The following CNOT1 variants were observed in gnomAD, a reference collection of about 807,000 sequenced individuals.
The protein encoded by CNOT1 is CCR4-NOT transcription complex subunit 1.
CNOT1 carries 15 observed loss-of-function variants against 273.8 expected under a neutral mutation model. The ratio of observed to expected loss-of-function variants is 0.05; its 90% CI spans 0.04 to 0.08. The LOEUF is 0.08. Among genes scored for constraint, CNOT1 ranks in the 10% least tolerant of loss-of-function variants. CNOT1 has a pLI of 1.00. For synonymous variants in CNOT1, 1,022 were observed against 1,005.5 expected, an observed-to-expected ratio of 1.02 and a Z score of -0.31; for missense variants, 1,644 against 2,912.2, an observed-to-expected ratio of 0.56 and a Z score of 10.02.
chr16:58,623,556 A>T (rs968931884), intron 1 of CNOT1: 2 of 152,194 alleles, frequency 1.3e-5, no homozygotes, highest in African/African-American at 4.8e-5. Flanking sequence ...GCCTCCATAA[A>T]AGCCCATAAA....
Position 58,560,382 on chromosome 16 carries a change from G to A in CNOT1, c.1980-20C>T. On this transcript the variant is annotated intron_variant, in intron 16 of 48. Coordinates refer to ENST00000317147, the MANE Select transcript of CNOT1 (RefSeq NM_016284.5). ...ACACTCCTAAAATAGAGGGGAAAAG[G>A]TAAAAAATATCAGTTCCTATTCTCT... is the stretch of plus-strand genomic sequence containing the variant. The A allele has an allele frequency of 6.2e-7, 1 of 1,607,338 alleles. No individual in the cohort carries two copies. The highest frequency in any genetic ancestry group is 1.7e-5 in the Admixed American group (1 of 57,994).
Position 58,574,992 on chromosome 16 carries a change from A to T in CNOT1, c.1827+15T>A. On this transcript the variant is annotated intron_variant, in intron 15 of 48. Transcript: ENST00000317147. ...AAAATTTAAGAGCAAAAATAAATGA[A>T]CAAATCCTGCTTACCCCATGCTCTC... is the stretch of plus-strand genomic sequence containing the variant. 1 of 1,609,886 alleles carries T rather than the reference A, an allele frequency of 6.2e-7. No homozygotes were observed. Among genetic ancestry groups the T allele is most frequent in the South Asian group, 1.1e-5 (1 of 89,636 alleles).
chr16:58,626,670 G>C (rs1362186430), intron 1 of CNOT1, among the ~76,000 whole-genome samples: 1 of 151,554 alleles, frequency 6.6e-6, no homozygotes, highest in Non-Finnish European at 1.5e-5. Flanking sequence ...TGGGGCAGGA[G>C]AATCGCTTGA....
chr16:58,584,924 G>A (rs2151979385), intron 8 of CNOT1, among the ~76,000 whole-genome samples: 2 of 152,246 alleles, frequency 1.3e-5, no homozygotes, highest in East Asian at 3.9e-4. Context: ...TACGCAAGAG[G>A]CAGAAAAGGA....
At chr16:58,528,006 G>A in intron 44 of CNOT1, 2 of 358,772 alleles carry the variant, frequency 5.6e-6, no homozygotes, top group South Asian at 2.1e-5. Context: ...CCAGCTACTT[G>A]GGAGGCTGAG....
chr16:58,537,112 C>T lies in CNOT1; in HGVS notation c.5523G>A (p.Glu1841=), dbSNP rs767057917. The T allele has an allele frequency of 1.2e-6, 2 of 1,614,178 alleles. No individual in the cohort carries two copies. Among genetic ancestry groups the T allele is most frequent in the Non-Finnish European group, 8.5e-7 (1 of 1,180,042 alleles). ...CCCTCAGGCCTGGAGGGTCATCATA[C>T]TCTGAGGCTTGAGAGATCCCAGAAT... is the stretch of plus-strand genomic sequence containing the variant. The part of the protein sequence containing the change: ...MMHSGISQAS[E]YDDPPGLREK... Residue 1841 remains glutamate, a synonymous_variant, in exon 39 of 49, where the codon GAG becomes GAA. Coordinates refer to ENST00000317147, the MANE Select transcript of CNOT1 (RefSeq NM_016284.5).
chr16:58,595,797 C>T (rs886570387), intron 2 of CNOT1, among the ~76,000 whole-genome samples: 3 of 152,078 alleles, frequency 2.0e-5, no homozygotes, highest in African/African-American at 7.2e-5. Context: ...TAAAGTATAA[C>T]CAGGTGAATG....
In CNOT1 at chr16:58,549,712, C is replaced by CTCT; in HGVS notation, c.3522+4_3522+6dup. On this transcript the variant is annotated splice_region_variant and intron_variant, in intron 25 of 48. Transcript: ENST00000317147. Reference sequence around the variant, plus strand: ...TAATTAAAGGAAATATAAGAACCAACTCTTACTTTAATGTTTCTGTAGGTC... The same window carrying CTCT: ...TAATTAAAGGAAATATAAGAACCAACTCTTCTTACTTTAATGTTTCTGTAGGTC... The CTCT allele has an allele frequency of 6.3e-7, 1 of 1,590,602 alleles. No homozygotes were observed. The highest frequency in any genetic ancestry group is 2.2e-5 in the East Asian group (1 of 44,466).
chr16:58,536,891 C>G (rs1463804329), intron 39 of CNOT1, 98 bp downstream of exon 39: 4 of 1,502,554 alleles, frequency 2.7e-6, no homozygotes, highest in Non-Finnish European at 2.7e-6. Context: ...ATGGAGGTAA[C>G]TGTCTGACCA....
At chr16:58,548,752 T>C in intron 25 of CNOT1, 1 of 406,540 alleles carries the variant, frequency 2.5e-6, no homozygotes, top group South Asian at 1.9e-5. Context: ...TACTTGAATT[T>C]TGTTGAATAA....
chr16:58,614,091 CAAA>C (rs377347672), intron 1 of CNOT1, among the ~76,000 whole-genome samples: 2 of 51,958 alleles, frequency 3.8e-5, no homozygotes, highest in Non-Finnish European at 4.3e-5. Flanking sequence ...GACACTGTCT[CAAA>C]AAAAAAAAAA....
intron 1 of CNOT1, among the ~76,000 whole-genome samples, chr16:58,620,048 GA>G (rs1331734201): frequency 1.3e-5 from 2 of 151,918 alleles, no homozygotes; most frequent in Non-Finnish European, 2.9e-5. Flanking sequence ...CAAGCAGTAT[GA>G]AAAAAAGAAA....
intron 1 of CNOT1, among the ~76,000 whole-genome samples, chr16:58,601,654 GCTT>G (rs2042467006): frequency 1.4e-5 from 2 of 147,800 alleles, no homozygotes; most frequent in African/African-American, 5.0e-5. Flanking sequence ...AAAGTTAACA[GCTT>G]CTTAATGTAT....
chr16:58,583,799 A>G (rs1028151241), intron 8 of CNOT1, among the ~76,000 whole-genome samples: 1 of 151,988 alleles, frequency 6.6e-6, no homozygotes, highest in Non-Finnish European at 1.5e-5. Flanking sequence ...TCAGCCTCCC[A>G]AAGTGCTGGG....
intron 24 of CNOT1, among the ~76,000 whole-genome samples, chr16:58,550,472 T>C (rs1199209669): frequency 6.6e-6 from 1 of 152,256 alleles, no homozygotes; most frequent in Non-Finnish European, 1.5e-5. Context: ...ACTTAACAGA[T>C]GGTAAATATA....
chr16:58,530,200 T>G (rs745911844), intron 43 of CNOT1, 46 bp downstream of exon 43: 2 of 1,469,634 alleles, frequency 1.4e-6, no homozygotes, highest in South Asian at 2.5e-5. Flanking sequence ...GTGTATTTTC[T>G]TAAGATCTCA....
Position 58,546,308 on chromosome 16 carries a change from T to C in CNOT1, c.4006+13A>G. ...GCTAACAGAAGCCTTCCTTGACTAA[T>C]TAGCACACTTACTTGTGGTTGTGAT... On this transcript the variant is annotated intron_variant, in intron 29 of 48. Coordinates refer to ENST00000317147, the MANE Select transcript of CNOT1 (RefSeq NM_016284.5). 2 of 1,609,260 alleles carry C rather than the reference T, an allele frequency of 1.2e-6. No individual in the cohort carries two copies. Among genetic ancestry groups the C allele is most frequent in the Non-Finnish European group, 1.7e-6 (2 of 1,176,138 alleles).
At chr16:58,603,436 TGTGTGTGTGTG>T (rs2042551954) in intron 1 of CNOT1, among the ~76,000 whole-genome samples, 1 of 150,436 alleles carries the variant, frequency 6.6e-6, no homozygotes, top group East Asian at 1.9e-4. Flanking sequence ...TGTGTGTGTG[TGTGTGTGTGTG>T]TGTGTGTGTG....
At chr16:58,552,959 C>T (rs1230338027) in intron 22 of CNOT1, among the ~76,000 whole-genome samples, 2 of 152,026 alleles carry the variant, frequency 1.3e-5, no homozygotes, top group African/African-American at 2.4e-5. Flanking sequence ...GTCTATTTTC[C>T]CAGGGACTGA....
Sources: gnomAD v4.1 joint callset for allele counts (sites outside exome capture counted in the v4.1 genomes callset) on GRCh38, gnomAD v4.1.1 for gene constraint, MANE v1.5 for transcripts, NCBI Gene and HGNC (gene_info 2026-07-23, HGNC 2026-07-21) for gene names.